DCAF6: variants seen among roughly 807,000 people sequenced by gnomAD.
The protein encoded by DCAF6 is DDB1 and CUL4 associated factor 6.
A neutral mutation model predicts 125.1 loss-of-function variants in DCAF6; 54 were observed. That is an observed-to-expected ratio of 0.43 (90% CI 0.35 to 0.54). DCAF6 has a LOEUF of 0.54. Among genes scored for constraint, DCAF6 ranks in the 20% least tolerant of loss-of-function variants. DCAF6 has a pLI of 0.01. For missense variants in DCAF6, 934 were observed against 1,161.7 expected (o/e 0.80, Z 2.85); for synonymous variants, 371 against 390.4 (o/e 0.95, Z 0.58).
At chr1:167,914,604 C>T in the DCAF6 span, among the ~76,000 whole-genome samples, 10 of 152,280 alleles carry the variant, frequency 6.6e-5, no homozygotes, top group South Asian at 2.1e-3. Context: ...TCAAATTTAT[C>T]CCAAAGATAA....
intron 2 of DCAF6, among the ~76,000 whole-genome samples, chr1:167,953,982 T>C (rs975715651): frequency 5.3e-5 from 8 of 152,134 alleles, no homozygotes; most frequent in African/African-American, 1.9e-4. Context: ...GGATTCTAGG[T>C]TGGACATTAT....
the DCAF6 span, among the ~76,000 whole-genome samples, chr1:167,884,623 T>A: frequency 1.3e-5 from 2 of 151,114 alleles, no homozygotes; most frequent in Admixed American, 1.3e-4. Flanking sequence ...TTCCTCCTCA[T>A]CCCCCACTAC....
the DCAF6 span, among the ~76,000 whole-genome samples, chr1:167,912,153 T>A: frequency 6.6e-6 from 1 of 152,268 alleles, no homozygotes; most frequent in Admixed American, 6.5e-5. Flanking sequence ...TAATTTATTA[T>A]GACCTTTTTA....
chr1:167,926,499 G>C, the DCAF6 span, among the ~76,000 whole-genome samples: 599 of 152,332 alleles, frequency 3.9e-3, 2 homozygotes, highest in Admixed American at 7.3e-3. Context: ...TGAAGCCACT[G>C]AGTTTCAGAA....
At chr1:168,044,370 T>C (rs1307444874) in intron 14 of DCAF6, among the ~76,000 whole-genome samples, 2 of 152,156 alleles carry the variant, frequency 1.3e-5, no homozygotes, top group Non-Finnish European at 2.9e-5. Context: ...AATAACAGCG[T>C]AGCAACCGCT....
At chr1:167,878,506 A>G in the DCAF6 span, 1 of 1,614,126 alleles carries the variant, frequency 6.2e-7, no homozygotes, top group South Asian at 1.1e-5. Flanking sequence ...ACCTTTCATA[A>G]CTTTCTTTGG....
intron 13 of DCAF6, among the ~76,000 whole-genome samples, chr1:168,040,645 C>T (rs570835681): frequency 2.0e-5 from 3 of 150,824 alleles, no homozygotes; most frequent in East Asian, 3.9e-4. Flanking sequence ...GTACTTATCA[C>T]GTCTTTTCCA....
upstream of DCAF6, among the ~76,000 whole-genome samples, chr1:167,931,361 A>G (rs1439735948): frequency 6.6e-6 from 1 of 152,210 alleles, no homozygotes; most frequent in East Asian, 1.9e-4. Context: ...TAAATATTGA[A>G]TAATTCAACC....
chr1:168,065,666 G>A lies in DCAF6; in HGVS notation c.2516G>A (p.Arg839Gln), dbSNP rs1185966421. ...TGTGGCCACATTTTCATCTGGGATC[G>A]GCACACTGCTGAGCATTTGATGCTT... The part of the protein sequence containing the change: ...SDCGHIFIWD[R>Q]HTAEHLMLLE... Residue 839 changes from arginine (R) to glutamine (Q), a missense_variant, in exon 19 of 22, where the codon CGG becomes CAG. Coordinates refer to ENST00000367840, the MANE Select transcript of DCAF6 (RefSeq NM_001198956.2). 1.9e-6 allele frequency: 3 copies of A among 1,613,248 alleles called. No homozygotes were observed. Among genetic ancestry groups the A allele is most frequent in the East Asian group, 2.2e-5 (1 of 44,864 alleles).
intron 11 of DCAF6, among the ~76,000 whole-genome samples, chr1:168,018,351 G>A (rs1222997110): frequency 6.6e-6 from 1 of 152,190 alleles, no homozygotes; most frequent in African/African-American, 2.4e-5. Context: ...ATAGGTATTA[G>A]AAGATGTTAA....
At chr1:167,907,378 C>T in the DCAF6 span, among the ~76,000 whole-genome samples, 66,299 of 152,104 alleles carry the variant, frequency 0.44, 16,665 homozygotes, top group African/African-American at 0.7. Flanking sequence ...TTCTTGCTCA[C>T]ACTACATGTC....
At position 167,991,323 on chromosome 1, in the gene DCAF6, G is replaced by T; in HGVS notation, c.672G>T (p.Leu224=). The change falls in exon 6 of 22, where the codon CTG becomes CTT. Residue 224 remains leucine (L), a synonymous_variant. Coordinates refer to ENST00000367840, the MANE Select transcript of DCAF6 (RefSeq NM_001198956.2). ...TACGAATATATGATCGGCGAATGCT[G>T]GGCACAAGAGCTACAGGTAAGAAGA... The part of the protein sequence containing the change: ...SSVRIYDRRM[L]GTRATGNYAG... 6.2e-7 allele frequency: 1 copy of T among 1,611,402 alleles called. No homozygotes were observed. Among genetic ancestry groups the T allele is most frequent in the Non-Finnish European group, 8.5e-7 (1 of 1,178,782 alleles).
chr1:167,895,576 G>T, the DCAF6 span, among the ~76,000 whole-genome samples: 1 of 152,190 alleles, frequency 6.6e-6, no homozygotes, highest in African/African-American at 2.4e-5. Context: ...AATATTAGAT[G>T]CCTATTTGAC....
At chr1:168,002,839 T>TTCTTA in intron 8 of DCAF6, among the ~76,000 whole-genome samples, 1 of 152,286 alleles carries the variant, frequency 6.6e-6, no homozygotes, top group East Asian at 1.9e-4. Flanking sequence ...AGTATAAGAA[T>TTCTTA]GCCCATTACC....
intron 11 of DCAF6, among the ~76,000 whole-genome samples, chr1:168,017,087 GTTATA>G (rs1685074134): frequency 6.6e-6 from 1 of 150,458 alleles, no homozygotes; most frequent in South Asian, 2.1e-4. Context: ...TTAATTCAAT[GTTATA>G]TTAATAGAGG....
chr1:168,021,522 C>T (rs1465325050), intron 11 of DCAF6, among the ~76,000 whole-genome samples: 1 of 152,012 alleles, frequency 6.6e-6, no homozygotes, highest in Non-Finnish European at 1.5e-5. Flanking sequence ...AAGTAAAGCA[C>T]GAATAGATTA....
chr1:167,908,582 G>A, the DCAF6 span, among the ~76,000 whole-genome samples: 4 of 152,180 alleles, frequency 2.6e-5, no homozygotes, highest in African/African-American at 9.7e-5. Flanking sequence ...TTAAGTATGT[G>A]AGATGATACG....
At chr1:167,929,269 G>A in the DCAF6 span, among the ~76,000 whole-genome samples, 1 of 152,160 alleles carries the variant, frequency 6.6e-6, no homozygotes, top group East Asian at 1.9e-4. Flanking sequence ...TGAGGCAGGG[G>A]AATCGCTAGA....
At chr1:167,915,905 A>G in the DCAF6 span, among the ~76,000 whole-genome samples, 1 of 152,224 alleles carries the variant, frequency 6.6e-6, no homozygotes, top group East Asian at 1.9e-4. Context: ...AGAGGTTAAC[A>G]AAGTCTCACA....
Sources: allele counts gnomAD v4.1 joint callset (sites outside exome capture counted in the v4.1 genomes callset), GRCh38; gene constraint gnomAD v4.1.1; transcripts MANE v1.5; gene names NCBI Gene and HGNC (gene_info 2026-07-23, HGNC 2026-07-21).